The following RBFOX3 variants were observed in gnomAD, a reference collection of about 807,000 sequenced individuals.
RBFOX3 encodes RNA binding protein fox-1 homolog 3.
In RBFOX3, 17 loss-of-function variants were observed where a neutral mutation model predicts 48.7. The ratio of observed to expected loss-of-function variants is 0.35; its 90% CI spans 0.24 to 0.52. The LOEUF is 0.52. Among genes scored for constraint, RBFOX3 ranks in the 20% least tolerant of loss-of-function variants. The pLI, the probability that RBFOX3 is intolerant of heterozygous loss-of-function variation, is 0.94. For synonymous variants in RBFOX3, 212 were observed against 209.5 expected (o/e 1.01, Z -0.10); for missense variants, 382 against 497.5 (o/e 0.77, Z 2.21).
At chr17:79,286,131 T>C (rs1019476629) in intron 3 of RBFOX3, among the ~76,000 whole-genome samples, 1 of 152,150 alleles carries the variant, frequency 6.6e-6, no homozygotes, top group African/African-American at 2.4e-5. Context: ...CTATTGCAAA[T>C]AAATGTCCCT....
In RBFOX3 at chr17:79,095,544, G is replaced by A. The variant is rs1364533911; in HGVS notation, c.967C>T (p.Pro323Ser). ...GGYAAYRYAQ[P>S]AAAAAAYSDS... ...CTGTAGGCTGCCGCCGCTGCAGCGG[G>A]CTGAGCGTATCTGTAGGCTGCGTAG... Residue 323 changes from proline to serine, a missense_variant, in exon 13 of 15, where the codon CCC becomes TCC. Physicochemically the swap from Pro to Ser is moderately conservative, Grantham distance 74. Transcript: ENST00000693108. 1 of 1,551,472 alleles carries A rather than the reference G, an allele frequency of 6.4e-7. No individual in the cohort carries two copies. Among genetic ancestry groups the A allele is most frequent in the Non-Finnish European group, 8.7e-7 (1 of 1,146,826 alleles).
At chr17:79,145,626 C>T (rs1339822463) in intron 4 of RBFOX3, among the ~76,000 whole-genome samples, 1 of 152,200 alleles carries the variant, frequency 6.6e-6, no homozygotes, top group African/African-American at 2.4e-5. Context: ...AGCACTGGCC[C>T]CGCATGTGGT....
upstream of RBFOX3, among the ~76,000 whole-genome samples, chr17:79,611,183 T>TTC (rs1196349028): frequency 6.7e-3 from 276 of 41,486 alleles, 12 homozygotes; most frequent in East Asian, 0.033. Flanking sequence ...TCCGCCCTCC[T>TTC]TCTCTCTCTC....
chr17:79,419,466 C>T (rs879961738), intron 2 of RBFOX3, among the ~76,000 whole-genome samples: 1 of 152,216 alleles, frequency 6.6e-6, no homozygotes, highest in East Asian at 1.9e-4. Flanking sequence ...CAACGAGGAC[C>T]ACCCAGTGCT....
chr17:79,512,289 C>T (rs1324862479), intron 1 of RBFOX3, among the ~76,000 whole-genome samples: 3 of 135,070 alleles, frequency 2.2e-5, no homozygotes, highest in Admixed American at 1.4e-4. Flanking sequence ...ATATTACCAT[C>T]GGGTACAGCC....
chr17:79,219,080 C>T (rs1418838804), intron 4 of RBFOX3, among the ~76,000 whole-genome samples: 1 of 152,228 alleles, frequency 6.6e-6, no homozygotes, highest in African/African-American at 2.4e-5. Context: ...TGTGCGGGGT[C>T]AGGCCCTCCC....
intron 6 of RBFOX3, 121 bp downstream of exon 6, chr17:79,106,530 G>T: frequency 1.6e-6 from 2 of 1,272,858 alleles, no homozygotes; most frequent in Non-Finnish European, 2.0e-6. Flanking sequence ...GAGGCTCCCT[G>T]CGCAGTGGGA....
rs958350368 is a variant in RBFOX3, at chr17:79,121,520, G to A, written c.-33-5772C>T. ...CCAGTGTTCCGAGGCACCATTCCCT[G>A]AAGCCACCTTTGTCAAGGTTTTTAC... On this transcript the variant is annotated intron_variant, in intron 4 of 14. Coordinates refer to ENST00000693108, the MANE Select transcript of RBFOX3 (RefSeq NM_001350451.2). Among the ~76,000 whole-genome samples, 114 of 152,282 alleles carry A rather than the reference G, an allele frequency of 7.5e-4. 1 individual carries two copies. Among genetic ancestry groups the A allele is most frequent in the Non-Finnish European group, 8.8e-5 (6 of 68,014 alleles).
intron 1 of RBFOX3, among the ~76,000 whole-genome samples, chr17:79,574,462 G>A (rs1017576809): frequency 2.6e-5 from 4 of 152,144 alleles, no homozygotes; most frequent in Non-Finnish European, 5.9e-5. Context: ...TAATGGATTA[G>A]CTGCTAAGAG....
intron 4 of RBFOX3, among the ~76,000 whole-genome samples, chr17:79,160,226 C>T (rs2046696107): frequency 2.0e-5 from 3 of 147,178 alleles, no homozygotes; most frequent in Admixed American, 1.3e-4. Flanking sequence ...AGACGTGGGG[C>T]GATGCAGGTG....
In RBFOX3 at chr17:79,607,048, C is replaced by T. The variant is rs1353737469; in HGVS notation, c.-320+3778G>A. 2.0e-5 allele frequency among the ~76,000 whole-genome samples: 3 copies of T among 152,258 alleles called. No individual in the cohort carries two copies. The East Asian group carries it at 5.8e-4, about 29-fold the overall frequency. On this transcript the variant is annotated intron_variant, in intron 1 of 14. Coordinates refer to ENST00000693108, the MANE Select transcript of RBFOX3 (RefSeq NM_001350451.2). Reference sequence around the variant, plus strand: ...AATGTTTCATGAGCCTGTGAAAATACCGCGCTGCTTTATGAAAGAGCGTGG... The same window carrying T: ...AATGTTTCATGAGCCTGTGAAAATATCGCGCTGCTTTATGAAAGAGCGTGG...
intron 2 of RBFOX3, among the ~76,000 whole-genome samples, chr17:79,355,436 A>C (rs1305724236): frequency 6.6e-6 from 1 of 152,152 alleles, no homozygotes; most frequent in African/African-American, 2.4e-5. Flanking sequence ...TACCCAAGCC[A>C]AGTGGCCCCG....
chr17:79,319,175 C>T (rs1259327458), intron 2 of RBFOX3, among the ~76,000 whole-genome samples: 1 of 152,156 alleles, frequency 6.6e-6, no homozygotes, highest in Admixed American at 6.5e-5. Context: ...TTTTAGGTCA[C>T]CTACTTCCCA....
At position 79,103,571 on chromosome 17, in the gene RBFOX3, G is replaced by A. The variant is rs1410791545; in HGVS notation, c.415-317C>T. Among the ~76,000 whole-genome samples, 1 of 152,172 alleles carries A rather than the reference G, an allele frequency of 6.6e-6. No homozygotes were observed. The highest frequency in any genetic ancestry group is 1.5e-5 in the Non-Finnish European group (1 of 68,020). On this transcript the variant is annotated intron_variant, in intron 7 of 14. Transcript: ENST00000693108. The surrounding 1 kb of genome is among the most constrained non-coding windows in gnomAD (Gnocchi z 6.1). Reference sequence around the variant, plus strand: ...ATAAGAGACGCCATACCTGACCACAGGCCAGGCCTGCCCCCTGAACCCCAC... The same window carrying A: ...ATAAGAGACGCCATACCTGACCACAAGCCAGGCCTGCCCCCTGAACCCCAC...
chr17:79,132,803 G>C (rs1445861005), intron 4 of RBFOX3: 2 of 152,270 alleles, frequency 1.3e-5, no homozygotes, highest in Non-Finnish European at 2.9e-5. Context: ...CAAGGATTGG[G>C]AAGAGAGCAC....
chr17:79,662,500 C>T, the RBFOX3 span, among the ~76,000 whole-genome samples: 1 of 152,118 alleles, frequency 6.6e-6, no homozygotes, highest in Non-Finnish European at 1.5e-5. Context: ...CAAAGATCTG[C>T]CATGCCCTCC....
At chr17:79,191,572 G>A (rs971552416) in intron 4 of RBFOX3, among the ~76,000 whole-genome samples, 6 of 152,224 alleles carry the variant, frequency 3.9e-5, no homozygotes, top group Admixed American at 2.0e-4. Flanking sequence ...TGGGGAGGCC[G>A]ATGCACTGCT....
chr17:79,379,164 G>A (rs183162258), intron 2 of RBFOX3, among the ~76,000 whole-genome samples: 64 of 152,304 alleles, frequency 4.2e-4, no homozygotes, highest in Non-Finnish European at 5.6e-4. Flanking sequence ...CATGGCACGC[G>A]TCGGGGTGAG....
chr17:79,239,683 C>T (rs1600171372), intron 3 of RBFOX3, among the ~76,000 whole-genome samples: 1 of 152,262 alleles, frequency 6.6e-6, no homozygotes, highest in East Asian at 1.9e-4. Context: ...TCCCACTAGA[C>T]TGTGATGCCC....
Sources: gnomAD v4.1 joint callset for allele counts (sites outside exome capture counted in the v4.1 genomes callset) on GRCh38, gnomAD v4.1.1 for gene constraint, Gnocchi (gnomAD v3.1) non-coding constraint, MANE v1.5 for transcripts, NCBI Gene and HGNC (gene_info 2026-07-23, HGNC 2026-07-21) for gene names.